The following AGAP1 variants were observed in gnomAD, a reference collection of about 807,000 sequenced individuals.
The protein encoded by AGAP1 is arf-GAP with GTPase, ANK repeat and PH domain-containing protein 1.
AGAP1 carries 29 observed loss-of-function variants against 105.3 expected under a neutral mutation model. The ratio of observed to expected loss-of-function variants is 0.28; its 90% CI spans 0.21 to 0.38. The LOEUF is 0.38. Ranked by LOEUF, AGAP1 falls within the 10% of genes least tolerant of loss-of-function variation. AGAP1 has a pLI of 1.00. For synonymous variants in AGAP1, 509 were observed against 485.9 expected (o/e 1.05, Z -0.63); for missense variants, 998 against 1,165.1 (o/e 0.86, Z 2.09).
chr2:236,043,598 ATGCCTGTAATCCCGGCTACT>A (rs57751030), intron 15 of AGAP1, among the ~76,000 whole-genome samples: 62,654 of 151,490 alleles, frequency 0.41, 13,445 homozygotes, highest in East Asian at 0.5. Context: ...ATGGTGGCAT[ATGCCTGTAATCCCGGCTACT>A]TGGGAGGCTG....
intron 1 of AGAP1, among the ~76,000 whole-genome samples, chr2:235,678,638 T>G (rs898312323): frequency 6.6e-6 from 1 of 152,152 alleles, no homozygotes; most frequent in African/African-American, 2.4e-5. Flanking sequence ...ATTTGATTTT[T>G]GTACCTGGTC....
chr2:235,557,922 G>A lies in AGAP1; in HGVS notation c.163+63073G>A, dbSNP rs1001400848. 6.6e-6 allele frequency among the ~76,000 whole-genome samples: 1 copy of A among 152,194 alleles called. No individual in the cohort carries two copies. The highest frequency in any genetic ancestry group is 6.5e-5 in the Admixed American group (1 of 15,276). ...CTTGAGCCCTGCGCCATGTGAGTGA[G>A]GTTTTGTGGTCCTGGACAGGTGAGC... On this transcript the variant is annotated intron_variant, in intron 1 of 17. Transcript: ENST00000304032. This position sits in a 1 kb window ranked among gnomAD's most constrained non-coding sequence, Gnocchi z 4.7.
At position 236,003,970 on chromosome 2, in the gene AGAP1, C is replaced by T. The variant is rs1253515034; in HGVS notation, c.1646-32591C>T. Among the ~76,000 whole-genome samples the T allele has an allele frequency of 2.6e-5, 4 of 152,176 alleles. No individual in the cohort carries two copies. Among genetic ancestry groups the T allele is most frequent in the Non-Finnish European group, 5.9e-5 (4 of 68,034 alleles). On this transcript the variant is annotated intron_variant, in intron 13 of 17. Coordinates refer to ENST00000304032, the MANE Select transcript of AGAP1 (RefSeq NM_001037131.3). The surrounding 1 kb of genome is among the most constrained non-coding windows in gnomAD (Gnocchi z 4.2). Reference sequence around the variant, plus strand: ...TCTGTGGAATGGGCGGTTTAGTATTCCTTTTTCTGGCAACTCACTTAGGGC... The same window carrying T: ...TCTGTGGAATGGGCGGTTTAGTATTTCTTTTTCTGGCAACTCACTTAGGGC...
At position 235,883,524 on chromosome 2, in the gene AGAP1, G is replaced by A. The variant is rs2050131451; in HGVS notation, c.1155+75G>A. 1.6e-6 allele frequency: 2 copies of A among 1,214,294 alleles called. No homozygotes were observed. The highest frequency in any genetic ancestry group is 1.3e-5 in the South Asian group (1 of 77,542). The allele number at this position is 1,214,294 out of a possible 1,614,324, so 75.2% of individuals were successfully genotyped here. On this transcript the variant is annotated intron_variant, in intron 10 of 17. Transcript: ENST00000304032. This position sits in a 1 kb window ranked among gnomAD's most constrained non-coding sequence, Gnocchi z 4.5. ...CACTGTGGGGAAGGGGAACCTACCA[G>A]CAGCCCAGCCTCTTGTCTCTGTTTG...
At chr2:235,710,726 A>G (rs1277343615) in intron 2 of AGAP1, among the ~76,000 whole-genome samples, 1 of 152,166 alleles carries the variant, frequency 6.6e-6, no homozygotes, top group East Asian at 1.9e-4. Context: ...AATGAATGGC[A>G]CAGGCTTGGC....
intron 12 of AGAP1, among the ~76,000 whole-genome samples, chr2:235,942,438 G>A (rs573152738): frequency 5.3e-4 from 81 of 152,264 alleles, no homozygotes; most frequent in African/African-American, 1.9e-3. Flanking sequence ...AGCACTTTGG[G>A]AGGCCGAGAC....
In AGAP1 at chr2:235,729,484, G is replaced by A. The variant is rs1951826508; in HGVS notation, c.311-11479G>A. Among the ~76,000 whole-genome samples the A allele has an allele frequency of 6.6e-6, 1 of 152,162 alleles. No homozygotes were observed. The highest frequency in any genetic ancestry group is 6.5e-5 in the Admixed American group (1 of 15,286). On this transcript the variant is annotated intron_variant, in intron 3 of 17. Transcript: ENST00000304032. The surrounding 1 kb of genome is among the most constrained non-coding windows in gnomAD (Gnocchi z 5.0). ...GAGAGCCAGTGACCCCCTCCCCCAGGAGGATGCTGTAGGGGCAGTCTCACG... is the reference window on the plus strand; with the variant it reads ...GAGAGCCAGTGACCCCCTCCCCCAGAAGGATGCTGTAGGGGCAGTCTCACG...
intron 10 of AGAP1, among the ~76,000 whole-genome samples, chr2:235,896,212 T>C (rs956365876): frequency 6.6e-6 from 1 of 152,240 alleles, no homozygotes; most frequent in Non-Finnish European, 1.5e-5. Context: ...GTTTGTCTTT[T>C]TATGACTGGC....
intron 11 of AGAP1, among the ~76,000 whole-genome samples, chr2:235,913,706 TA>T (rs1156418034): frequency 6.6e-6 from 1 of 152,218 alleles, no homozygotes; most frequent in Non-Finnish European, 1.5e-5. Flanking sequence ...TCAAATGAAC[TA>T]AAGAGTAACT....
rs1048212465 is a variant in AGAP1 at position 235,747,495 on chromosome 2, G to C, written c.538+2656G>C. On this transcript the variant is annotated intron_variant, in intron 5 of 17. Coordinates refer to ENST00000304032, the MANE Select transcript of AGAP1 (RefSeq NM_001037131.3). This position sits in a 1 kb window ranked among gnomAD's most constrained non-coding sequence, Gnocchi z 5.0. Reference sequence around the variant, plus strand: ...GCCCTCCCGGGGTGAGCAGGTAAGCGGGCCCCATGCCCTCCCTGCAGGACT... The same window carrying C: ...GCCCTCCCGGGGTGAGCAGGTAAGCCGGCCCCATGCCCTCCCTGCAGGACT... Among the ~76,000 whole-genome samples the C allele has an allele frequency of 6.6e-6, 1 of 151,832 alleles. No homozygotes were observed. Among genetic ancestry groups the C allele is most frequent in the Non-Finnish European group, 1.5e-5 (1 of 68,012 alleles).
chr2:235,774,623 T>G, intron 6 of AGAP1: 2 of 268,318 alleles, frequency 7.5e-6, no homozygotes, highest in South Asian at 6.7e-5. Context: ...ATGCAGTGAT[T>G]AAAATAGTCG....
chr2:235,807,467 C>T, intron 9 of AGAP1, 136 bp downstream of exon 9: 2 of 677,000 alleles, frequency 3.0e-6, no homozygotes. Flanking sequence ...CACTTGACAT[C>T]AATTAGCAGA....
chr2:236,032,715 G>C (rs1435752559), intron 13 of AGAP1, among the ~76,000 whole-genome samples: 5 of 152,170 alleles, frequency 3.3e-5, no homozygotes, highest in Non-Finnish European at 7.3e-5. Context: ...ATCAGGAAGT[G>C]AGTGCAGGAG....
In AGAP1 at chr2:235,614,376, C is replaced by G. The variant is rs529271930; in HGVS notation, c.164-94803C>G. ...GAGCCGCTGCTCTTGCTTCAGGTCTCAGATGGCATAGGAGTGTGTGTCATC... is the reference window on the plus strand; with the variant it reads ...GAGCCGCTGCTCTTGCTTCAGGTCTGAGATGGCATAGGAGTGTGTGTCATC... On this transcript the variant is annotated intron_variant, in intron 1 of 17. Coordinates refer to ENST00000304032, the MANE Select transcript of AGAP1 (RefSeq NM_001037131.3). The surrounding 1 kb of genome is among the most constrained non-coding windows in gnomAD (Gnocchi z 4.7). Among the ~76,000 whole-genome samples the G allele has an allele frequency of 1.3e-5, 2 of 152,208 alleles. No individual in the cohort carries two copies. Among genetic ancestry groups the G allele is most frequent in the South Asian group, 4.2e-4 (2 of 4,816 alleles).
chr2:235,838,527 A>G (rs1018322327), intron 9 of AGAP1, among the ~76,000 whole-genome samples: 5 of 152,208 alleles, frequency 3.3e-5, no homozygotes, highest in African/African-American at 1.2e-4. Flanking sequence ...GATGTGATTA[A>G]CTACGTATTG....
chr2:235,989,815 G>A lies in AGAP1; in HGVS notation c.1645+21192G>A, dbSNP rs985578106. ...ATGGAGTGGAACGGTCACAGCAGCA[G>A]CTCACAGGGAGGGACAGCCTCGGAA... On this transcript the variant is annotated intron_variant, in intron 13 of 17. Coordinates refer to ENST00000304032, the MANE Select transcript of AGAP1 (RefSeq NM_001037131.3). This position sits in a 1 kb window ranked among gnomAD's most constrained non-coding sequence, Gnocchi z 4.4. Among the ~76,000 whole-genome samples, 1 of 152,164 alleles carries A rather than the reference G, an allele frequency of 6.6e-6. No individual in the cohort carries two copies. Among genetic ancestry groups the A allele is most frequent in the Non-Finnish European group, 1.5e-5 (1 of 68,032 alleles).
intron 1 of AGAP1, among the ~76,000 whole-genome samples, chr2:235,563,047 C>G (rs950789889): frequency 6.6e-6 from 1 of 152,084 alleles, no homozygotes; most frequent in African/African-American, 2.4e-5. Context: ...AAGACCCTAT[C>G]TCAAAAAATA....
rs1236148248 is a variant in AGAP1, at chr2:235,737,948, T to C, written c.311-3015T>C. 6.6e-6 allele frequency among the ~76,000 whole-genome samples: 1 copy of C among 151,790 alleles called. No individual in the cohort carries two copies. Among genetic ancestry groups the C allele is most frequent in the Non-Finnish European group, 1.5e-5 (1 of 67,946 alleles). On this transcript the variant is annotated intron_variant, in intron 3 of 17. Coordinates refer to ENST00000304032, the MANE Select transcript of AGAP1 (RefSeq NM_001037131.3). This position sits in a 1 kb window ranked among gnomAD's most constrained non-coding sequence, Gnocchi z 4.5. ...AAGCAGGGAGGGCTTCCACATACCC[T>C]TGTATCTGGGGCAACCATCAGAGGG...
At position 235,754,193 on chromosome 2, in the gene AGAP1, T is replaced by C. The variant is rs1262845479; in HGVS notation, c.673+3705T>C. 6.6e-6 allele frequency among the ~76,000 whole-genome samples: 1 copy of C among 152,132 alleles called. No homozygotes were observed. Among genetic ancestry groups the C allele is most frequent in the Non-Finnish European group, 1.5e-5 (1 of 68,018 alleles). On this transcript the variant is annotated intron_variant, in intron 6 of 17. Transcript: ENST00000304032. The surrounding 1 kb of genome is among the most constrained non-coding windows in gnomAD (Gnocchi z 4.6). ...GGAAGCAAATCAGGTCCTGGGGCCT[T>C]AAGAACACACCAGCTTTGCCCACAG...
Sources: allele counts gnomAD v4.1 joint callset (sites outside exome capture counted in the v4.1 genomes callset), GRCh38; gene constraint gnomAD v4.1.1; non-coding constraint Gnocchi (gnomAD v3.1); transcripts MANE v1.5; gene names NCBI Gene and HGNC (gene_info 2026-07-23, HGNC 2026-07-21).